The following PDS5B variants were observed in gnomAD, a reference collection of about 807,000 sequenced individuals.
PDS5B encodes the protein PDS5 cohesin associated factor B.
In PDS5B, 51 loss-of-function variants were observed where a neutral mutation model predicts 184.1. That is an observed-to-expected ratio of 0.28 (90% CI 0.22 to 0.35). The LOEUF is 0.35. Among genes scored for constraint, PDS5B ranks in the 10% least tolerant of loss-of-function variants. The pLI is 1.00. For missense variants in PDS5B, 1,180 were observed against 1,723.3 expected (o/e 0.68, Z 5.58); for synonymous variants, 566 against 569.2 (o/e 0.99, Z 0.08).
chr13:32,761,444 G>T (rs1954392656), intron 30 of PDS5B, among the ~76,000 whole-genome samples: 1 of 151,994 alleles, frequency 6.6e-6, no homozygotes, highest in African/African-American at 2.4e-5. Flanking sequence ...GTACCCAATA[G>T]GTCGTTTTAC....
At chr13:32,607,296 G>A (rs2058074673) in intron 1 of PDS5B, among the ~76,000 whole-genome samples, 1 of 152,230 alleles carries the variant, frequency 6.6e-6, no homozygotes, top group African/African-American at 2.4e-5. Context: ...ACCCTCAGCT[G>A]CAGGTCTGTT....
chr13:32,687,221 A>G lies in PDS5B; in HGVS notation c.1291A>G (p.Lys431Glu). Residue 431 changes from lysine (K) to glutamate (E), a missense_variant, in exon 12 of 35, where the codon AAA becomes GAA. Physicochemically the swap from Lys to Glu is moderately conservative, Grantham distance 56 (BLOSUM62 1). Around this residue, in one of 11 missense-constraint regions of PDS5B, gnomAD observed 475 missense variants for 691.5 expected, o/e 0.69. Coordinates refer to ENST00000315596, the MANE Select transcript of PDS5B (RefSeq NM_015032.4). ...GTCAGCAGCTGGAAAAGATGCTGCA[A>G]AACAGATAGCATGGATCAAAGACAA... ...LQSAAGKDAA[K>E]QIAWIKDKLL... The G allele has an allele frequency of 1.2e-6, 2 of 1,608,248 alleles. No individual in the cohort carries two copies. The highest frequency in any genetic ancestry group is 1.7e-6 in the Non-Finnish European group (2 of 1,177,556).
intron 21 of PDS5B, among the ~76,000 whole-genome samples, chr13:32,736,688 CA>C (rs1005595671): frequency 6.6e-6 from 1 of 152,076 alleles, no homozygotes; most frequent in Non-Finnish European, 1.5e-5. Context: ...ATTATCTTTA[CA>C]TATACGATTT....
At chr13:32,676,128 C>A (rs143864769) in intron 9 of PDS5B, among the ~76,000 whole-genome samples, 169 bp downstream of exon 9, 1 of 152,034 alleles carries the variant, frequency 6.6e-6, no homozygotes, top group South Asian at 2.1e-4. Context: ...TATATTTACT[C>A]TTTTTAGTCT....
At chr13:32,643,820 C>T (rs1316200350) in intron 1 of PDS5B, among the ~76,000 whole-genome samples, 1 of 152,102 alleles carries the variant, frequency 6.6e-6, no homozygotes, top group East Asian at 1.9e-4. Flanking sequence ...TAAAATTCCC[C>T]AACAACGTAT....
In PDS5B at chr13:32,741,707, G is replaced by C. The variant is rs939518725; in HGVS notation, c.2475+559G>C. ...TTATAAACCCTTTCAGTCTGTGTGT[G>C]TGTGTGTGTGTGTGTGTGTGTGTGT... On this transcript the variant is annotated intron_variant, in intron 22 of 34. Transcript: ENST00000315596. Among the ~76,000 whole-genome samples the C allele has an allele frequency of 5.2e-3, 755 of 146,186 alleles. 10 individuals are homozygous for C. The highest frequency in any genetic ancestry group is 0.018 in the African/African-American group (716 of 38,904).
chr13:32,768,752 C>T (rs1954667692), intron 31 of PDS5B, among the ~76,000 whole-genome samples: 1 of 143,192 alleles, frequency 7.0e-6, no homozygotes, highest in Non-Finnish European at 1.5e-5. Flanking sequence ...AAGATTGACC[C>T]ACTGCACTCC....
At chr13:32,743,675 T>G (rs1244200174) in intron 23 of PDS5B, among the ~76,000 whole-genome samples, 1 of 152,144 alleles carries the variant, frequency 6.6e-6, no homozygotes, top group Non-Finnish European at 1.5e-5. Flanking sequence ...TATGTTTTGC[T>G]TATACTGTAT....
chr13:32,721,726 G>A (rs1460036148), intron 19 of PDS5B, among the ~76,000 whole-genome samples: 2 of 151,662 alleles, frequency 1.3e-5, no homozygotes, highest in South Asian at 2.1e-4. Flanking sequence ...ACAGGATGAC[G>A]GCCGGGAAGA....
chr13:32,697,043 G>A, intron 15 of PDS5B, 141 bp downstream of exon 15: 1 of 533,990 alleles, frequency 1.9e-6, no homozygotes. Flanking sequence ...ATGAGCTAGA[G>A]CTGGAGAAAG....
intron 13 of PDS5B, chr13:32,690,076 A>G (rs1838518881): frequency 6.6e-6 from 1 of 152,202 alleles, no homozygotes; most frequent in Non-Finnish European, 1.5e-5. Flanking sequence ...AAGTAATAAG[A>G]TTCAAGAATT....
intron 1 of PDS5B, among the ~76,000 whole-genome samples, chr13:32,600,801 C>A (rs1469828416): frequency 6.6e-6 from 1 of 152,202 alleles, no homozygotes; most frequent in African/African-American, 2.4e-5. Context: ...AAACTTAAAG[C>A]TCATGTGTTC....
chr13:32,761,615 C>G (rs1296079520), intron 30 of PDS5B, among the ~76,000 whole-genome samples: 1 of 152,074 alleles, frequency 6.6e-6, no homozygotes, highest in Admixed American at 6.6e-5. Context: ...CTGTGGCCTT[C>G]TTGCTGTGAA....
chr13:32,688,119 C>G (rs899763649), intron 12 of PDS5B, among the ~76,000 whole-genome samples: 1 of 150,756 alleles, frequency 6.6e-6, no homozygotes, highest in South Asian at 2.1e-4. Flanking sequence ...TTAGTTTTGA[C>G]TTAGAAATTT....
At chr13:32,730,115 T>C (rs1953058150) in intron 19 of PDS5B, among the ~76,000 whole-genome samples, 1 of 152,204 alleles carries the variant, frequency 6.6e-6, no homozygotes, top group African/African-American at 2.4e-5. Flanking sequence ...CTTGAGTTAA[T>C]TTTTGTATAA....
chr13:32,695,619 TAATAACATCC>T lies in PDS5B; in HGVS notation c.1552-1233_1552-1224del, dbSNP rs1471758139. 2.6e-5 allele frequency among the ~76,000 whole-genome samples: 4 copies of T among 151,994 alleles called. No homozygotes were observed. The East Asian group carries it at 7.7e-4, about 29-fold the overall frequency. On this transcript the variant is annotated intron_variant, in intron 14 of 34. Transcript: ENST00000315596. ...TTGTGTTTAGGCATTATGGAAATCA[TAATAACATCC>T]AGGTAGTATGTTAAGTGTATAAATC...
chr13:32,654,537 A>T lies in PDS5B; in HGVS notation c.312+2530A>T, dbSNP rs549076188. ...TTTGTTTTAAGTAACCTTTTTTTTTAAAAAATTGTGTTTTAGGTGCAGGGG... is the reference window on the plus strand; with the variant it reads ...TTTGTTTTAAGTAACCTTTTTTTTTTAAAAATTGTGTTTTAGGTGCAGGGG... On this transcript the variant is annotated intron_variant, in intron 3 of 34. Transcript: ENST00000315596. Among the ~76,000 whole-genome samples, 77 of 151,698 alleles carry T rather than the reference A, an allele frequency of 5.1e-4. 2 individuals are homozygous for T. The highest frequency in any genetic ancestry group is 2.5e-3 in the South Asian group (12 of 4,802).
At chr13:32,676,835 G>A (rs1021900377) in intron 9 of PDS5B, among the ~76,000 whole-genome samples, 1 of 151,374 alleles carries the variant, frequency 6.6e-6, no homozygotes, top group Non-Finnish European at 1.5e-5. Flanking sequence ...GGAGGCTGAG[G>A]CAGGAGGATG....
At chr13:32,725,526 T>C (rs764810662) in intron 19 of PDS5B, among the ~76,000 whole-genome samples, 5 of 152,178 alleles carry the variant, frequency 3.3e-5, no homozygotes, top group Non-Finnish European at 5.9e-5. Context: ...TTAATGGGAA[T>C]GGTATTAAGA....
Sources: allele counts gnomAD v4.1 joint callset (sites outside exome capture counted in the v4.1 genomes callset), GRCh38; gene constraint gnomAD v4.1.1; regional missense constraint gnomAD v4.1.1; transcripts MANE v1.5; gene names NCBI Gene and HGNC (gene_info 2026-07-23, HGNC 2026-07-21).